Variants in STK39 observed in about 807,000 individuals in gnomAD.
STK39 encodes the protein serine/threonine kinase 39.
STK39 carries 20 observed loss-of-function variants against 77.8 expected under a neutral mutation model. The observed-to-expected ratio is 0.26, with a 90% CI of 0.18 to 0.37. The LOEUF is 0.37. STK39 is among the 10% of genes least tolerant of loss of function. The pLI is 1.00. For synonymous variants in STK39, 246 were observed against 234.1 expected (o/e 1.05, Z -0.47); for missense variants, 479 against 656.5 (o/e 0.73, Z 2.95).
At chr2:168,097,154 A>C (rs1686692159) in intron 10 of STK39, among the ~76,000 whole-genome samples, 1 of 152,238 alleles carries the variant, frequency 6.6e-6, no homozygotes, top group African/African-American at 2.4e-5. Context: ...GACTGCTTTG[A>C]AAATGCCAGA....
intron 1 of STK39, among the ~76,000 whole-genome samples, chr2:168,239,622 A>G (rs1013352179): frequency 6.6e-6 from 1 of 152,246 alleles, no homozygotes; most frequent in Non-Finnish European, 1.5e-5. Context: ...AAATTTTTAG[A>G]CGTCAGGCAA....
intron 12 of STK39, among the ~76,000 whole-genome samples, chr2:168,069,510 T>G (rs1246385292): frequency 6.6e-6 from 1 of 152,254 alleles, no homozygotes; most frequent in Admixed American, 6.5e-5. Flanking sequence ...TTACCCTTGA[T>G]TAAATAAACA....
chr2:168,162,113 C>T (rs1463975020), intron 4 of STK39, among the ~76,000 whole-genome samples: 1 of 151,854 alleles, frequency 6.6e-6, no homozygotes, highest in Non-Finnish European at 1.5e-5. Context: ...TGGTGAAACC[C>T]CATCTCTACT....
chr2:168,183,142 G>A (rs942236048), intron 1 of STK39, among the ~76,000 whole-genome samples: 1 of 152,166 alleles, frequency 6.6e-6, no homozygotes. Context: ...CCCACCCCAA[G>A]GAAGGGCCCA....
chr2:168,215,369 A>AC (rs1574563291), intron 1 of STK39, among the ~76,000 whole-genome samples: 1 of 152,124 alleles, frequency 6.6e-6, no homozygotes, highest in African/African-American at 2.4e-5. Flanking sequence ...CTCCAAGATG[A>AC]CCCTTCCGTA....
intron 10 of STK39, among the ~76,000 whole-genome samples, chr2:168,105,909 C>T (rs1472579147): frequency 6.6e-6 from 1 of 152,190 alleles, no homozygotes; most frequent in East Asian, 1.9e-4. Flanking sequence ...TCATTTAAGG[C>T]AGGGTTACCT....
At chr2:168,170,799 G>A (rs1444810521) in intron 2 of STK39, among the ~76,000 whole-genome samples, 1 of 152,198 alleles carries the variant, frequency 6.6e-6, no homozygotes, top group African/African-American at 2.4e-5. Flanking sequence ...GAGTCTAACT[G>A]GAGGAGAGGG....
rs11437095 is a variant in STK39 at position 168,233,690 on chromosome 2, A to AT, written c.208+13537dup. 3.1e-3 allele frequency among the ~76,000 whole-genome samples: 472 copies of AT among 152,268 alleles called. 6 individuals carry two copies. The highest frequency in any genetic ancestry group is 0.011 in the African/African-American group (447 of 41,548). On this transcript the variant is annotated intron_variant, in intron 1 of 17. Transcript: ENST00000355999. ...AGTGACTGAAATTAATTTTGGTACT[A>AT]TTTTTCCTAATTAGGGTTAATTTCA... is the stretch of plus-strand genomic sequence containing the variant.
intron 1 of STK39, among the ~76,000 whole-genome samples, chr2:168,188,294 A>G (rs561582645): frequency 2.8e-4 from 42 of 152,326 alleles, no homozygotes; most frequent in Non-Finnish European, 4.3e-4. Context: ...TGAGCTCTAC[A>G]GGAGTACAAG....
chr2:168,013,814 GTGTGTGTGTGTGTGTGTGTGTA>G (rs1443324841), intron 15 of STK39, among the ~76,000 whole-genome samples: 22 of 60,552 alleles, frequency 3.6e-4, no homozygotes, highest in Non-Finnish European at 8.7e-4. Flanking sequence ...GTGTGTGTGT[GTGTGTGTGTGTGTGTGTGTGTA>G]TGTGTTTGCA....
chr2:168,230,726 C>A (rs1690432360), intron 1 of STK39, among the ~76,000 whole-genome samples: 1 of 152,180 alleles, frequency 6.6e-6, no homozygotes, highest in South Asian at 2.1e-4. Flanking sequence ...TCAAAAGAGG[C>A]ACCTACCTCA....
At chr2:168,078,284 T>TCCC (rs1035032743) in intron 10 of STK39, among the ~76,000 whole-genome samples, 1 of 149,198 alleles carries the variant, frequency 6.7e-6, no homozygotes, top group Non-Finnish European at 1.5e-5. Context: ...AAGTTCTGAT[T>TCCC]CCAAGAAAAG....
chr2:168,199,147 A>C (rs180722301), intron 1 of STK39, among the ~76,000 whole-genome samples: 1 of 152,316 alleles, frequency 6.6e-6, no homozygotes, highest in Admixed American at 6.5e-5. Flanking sequence ...ATACCCTGAT[A>C]CTTAGGGGGT....
chr2:168,197,653 T>C (rs1481589121), intron 1 of STK39, among the ~76,000 whole-genome samples: 1 of 152,226 alleles, frequency 6.6e-6, no homozygotes, highest in African/African-American at 2.4e-5. Flanking sequence ...AAAATATATA[T>C]GTAAATATCC....
chr2:168,153,815 T>C (rs1001191915), intron 5 of STK39, among the ~76,000 whole-genome samples: 3 of 151,762 alleles, frequency 2.0e-5, no homozygotes, highest in African/African-American at 7.3e-5. Context: ...GATGTAAGAG[T>C]TGAAATCAAT....
chr2:168,120,420 T>C (rs1687374840), intron 10 of STK39, among the ~76,000 whole-genome samples: 2 of 152,268 alleles, frequency 1.3e-5, no homozygotes, highest in South Asian at 4.1e-4. Flanking sequence ...ACTCTTTGAG[T>C]TTTGCATGTC....
chr2:168,065,525 C>G (rs577121007), intron 12 of STK39, 144 bp from the exon 13 acceptor site: 1 of 828,368 alleles, frequency 1.2e-6, no homozygotes, highest in East Asian at 2.6e-5. Flanking sequence ...TCTTTGACTA[C>G]CTGTGTTGGA....
intron 14 of STK39, among the ~76,000 whole-genome samples, chr2:168,027,336 CAA>C (rs1684724503): frequency 6.6e-6 from 1 of 152,280 alleles, no homozygotes; most frequent in African/African-American, 2.4e-5. Context: ...TAACTTACTG[CAA>C]AAGTGTCTTT....
At chr2:168,191,077 T>C (rs906746845) in intron 1 of STK39, among the ~76,000 whole-genome samples, 8 of 152,140 alleles carry the variant, frequency 5.3e-5, no homozygotes, top group Admixed American at 4.6e-4. Flanking sequence ...CACCTGTAAA[T>C]GGGAAGGGCT....
Sources: allele counts gnomAD v4.1 joint callset (sites outside exome capture counted in the v4.1 genomes callset), GRCh38; gene constraint gnomAD v4.1.1; transcripts MANE v1.5; gene names NCBI Gene and HGNC (gene_info 2026-07-23, HGNC 2026-07-21).